TSPAN12: variants seen among roughly 807,000 people sequenced by gnomAD.
TSPAN12 encodes tetraspanin 12.
A neutral mutation model predicts 39.2 loss-of-function variants in TSPAN12; 19 were observed. That is an observed-to-expected ratio of 0.49 (90% CI 0.34 to 0.71). The LOEUF (loss-of-function observed/expected upper bound fraction) is 0.71, where lower values mean the gene tolerates loss of function less well. Ranked by LOEUF, TSPAN12 falls within the 30% of genes least tolerant of loss-of-function variation. The probability of loss-of-function intolerance (pLI) is 0.01; values close to 1 mark genes in which losing one functional copy is unlikely to be tolerated. For synonymous variants in TSPAN12, 119 were observed against 124.8 expected (o/e 0.95, Z 0.31); for missense variants, 314 against 359.9 (o/e 0.87, Z 1.03).
chr7:120,802,157 C>T (rs548117350), intron 7 of TSPAN12, among the ~76,000 whole-genome samples: 1 of 152,286 alleles, frequency 6.6e-6, no homozygotes, highest in African/African-American at 2.4e-5. Flanking sequence ...TTGTGCTTTG[C>T]CAACTTAAAC....
At chr7:120,792,966 C>T (rs190015529) in intron 7 of TSPAN12, among the ~76,000 whole-genome samples, 6 of 152,302 alleles carry the variant, frequency 3.9e-5, no homozygotes, top group East Asian at 3.9e-4. Flanking sequence ...CTGTCCACAC[C>T]GGAACAACAC....
At chr7:120,840,141 A>G (rs780877290) in intron 2 of TSPAN12, 32 bp from the exon 3 acceptor site, 2 of 1,488,804 alleles carry the variant, frequency 1.3e-6, no homozygotes, top group Admixed American at 1.7e-5. Flanking sequence ...CCGGTTACCA[A>G]AGATTTACGT....
At position 120,838,932 on chromosome 7, in the gene TSPAN12, G is replaced by C; in HGVS notation, c.150-20C>G. ...TCTACCCTGAAAGAAGAAAAATAAT[G>C]TATTAGAAAGAAAATATAATCAAAA... On this transcript the variant is annotated intron_variant, in intron 3 of 7. Coordinates refer to ENST00000222747, the MANE Select transcript of TSPAN12 (RefSeq NM_012338.4). The C allele has an allele frequency of 6.2e-7, 1 of 1,612,682 alleles. No homozygotes were observed. Among genetic ancestry groups the C allele is most frequent in the East Asian group, 2.2e-5 (1 of 44,800 alleles).
rs112396286 is a variant in TSPAN12 at position 120,856,676 on chromosome 7, T to G, written c.66+22A>C. Reference sequence around the variant, plus strand: ...ACCAGAGCCAGCCGTTCCCACCTGTTGGTGCAGTGAAACTTACTTACCCAA... The same window carrying G: ...ACCAGAGCCAGCCGTTCCCACCTGTGGGTGCAGTGAAACTTACTTACCCAA... On this transcript the variant is annotated intron_variant, in intron 2 of 7. Transcript: ENST00000222747. 5.0e-5 allele frequency: 80 copies of G among 1,613,940 alleles called. 1 individual carries two copies. The African/African-American group carries it at 6.7e-4, about 13-fold the overall frequency.
rs745726191 is a variant in TSPAN12 at position 120,840,035 on chromosome 7, T to C, written c.141A>G (p.Ala47=). The C allele has an allele frequency of 1.9e-6, 3 of 1,611,836 alleles. No individual in the cohort carries two copies. Among genetic ancestry groups the C allele is most frequent in the Non-Finnish European group, 2.5e-6 (3 of 1,177,990 alleles). ...DYLNNVLTLT[A]ETRVEEAVIL... The stretch of plus-strand genomic sequence containing the variant: ...ATAATTATAAAGTATACCTCGTTTC[T>C]GCAGTTAAAGTGAGAACATTATTTA... The change falls in exon 3 of 8, where the codon GCA becomes GCG. Residue 47 remains alanine (A), a synonymous_variant. Transcript: ENST00000222747.
At chr7:120,801,886 T>C (rs1423949975) in intron 7 of TSPAN12, among the ~76,000 whole-genome samples, 1 of 152,196 alleles carries the variant, frequency 6.6e-6, no homozygotes, top group Non-Finnish European at 1.5e-5. Context: ...ATGGCTCTTA[T>C]TTCCTGGAAA....
At chr7:120,809,576 G>A (rs564722833) in intron 6 of TSPAN12, among the ~76,000 whole-genome samples, 65 of 152,228 alleles carry the variant, frequency 4.3e-4, no homozygotes, top group Non-Finnish European at 6.9e-4. Context: ...TATCTATCAC[G>A]TAAGACACTA....
At chr7:120,816,359 C>A (rs553847215) in intron 4 of TSPAN12, among the ~76,000 whole-genome samples, 2 of 96,642 alleles carry the variant, frequency 2.1e-5, no homozygotes, top group African/African-American at 2.8e-5. Context: ...ATAAGGCATG[C>A]GCAGGCAAAA....
chr7:120,815,645 G>C, intron 5 of TSPAN12, 84 bp downstream of exon 5: 19 of 1,197,464 alleles, frequency 1.6e-5, no homozygotes, highest in Non-Finnish European at 2.3e-5. Context: ...TTTCATAGCG[G>C]AGTGAAAATG....
chr7:120,845,447 CTAAATA>C lies in TSPAN12; in HGVS notation c.67-5344_67-5339del, dbSNP rs550464319. ...TAAACTTTTATGATCTGCTTTCCTT[CTAAATA>C]TAAGTTCCAGTTTTAGAACATCTCT... On this transcript the variant is annotated intron_variant, in intron 2 of 7. Coordinates refer to ENST00000222747, the MANE Select transcript of TSPAN12 (RefSeq NM_012338.4). Among the ~76,000 whole-genome samples, 217 of 152,318 alleles carry C rather than the reference CTAAATA, an allele frequency of 1.4e-3. 1 individual carries two copies. The highest frequency in any genetic ancestry group is 5.0e-3 in the African/African-American group (208 of 41,590).
chr7:120,803,971 G>T (rs976773058), intron 7 of TSPAN12, among the ~76,000 whole-genome samples: 17 of 152,102 alleles, frequency 1.1e-4, no homozygotes, highest in African/African-American at 4.1e-4. Flanking sequence ...AAGCAAAACT[G>T]AAGAGAATTA....
At chr7:120,825,999 G>C (rs1422634912) in intron 4 of TSPAN12, among the ~76,000 whole-genome samples, 2 of 152,150 alleles carry the variant, frequency 1.3e-5, no homozygotes, top group African/African-American at 4.8e-5. Context: ...TCTTGTCTTA[G>C]AGACCGTCCC....
chr7:120,851,608 A>G (rs1794770115), intron 2 of TSPAN12, among the ~76,000 whole-genome samples: 2 of 152,214 alleles, frequency 1.3e-5, no homozygotes, highest in Non-Finnish European at 2.9e-5. Flanking sequence ...CAAATGACCA[A>G]AAAGCTACAG....
At chr7:120,848,613 T>A (rs531347673) in intron 2 of TSPAN12, among the ~76,000 whole-genome samples, 7 of 152,336 alleles carry the variant, frequency 4.6e-5, no homozygotes, top group African/African-American at 1.7e-4. Context: ...AACTAAAACT[T>A]TGCACTATAC....
chr7:120,833,637 C>T (rs1794427605), intron 4 of TSPAN12, among the ~76,000 whole-genome samples: 2 of 152,118 alleles, frequency 1.3e-5, no homozygotes, highest in South Asian at 2.1e-4. Flanking sequence ...ACGTAAGGTA[C>T]ATCCAACTTA....
At chr7:120,855,829 A>G (rs914339364) in intron 2 of TSPAN12, among the ~76,000 whole-genome samples, 1 of 152,232 alleles carries the variant, frequency 6.6e-6, no homozygotes, top group South Asian at 2.1e-4. Flanking sequence ...AGCCACATAA[A>G]TAAATTGCAC....
intron 4 of TSPAN12, among the ~76,000 whole-genome samples, chr7:120,827,998 A>G (rs1234460015): frequency 2.0e-5 from 3 of 152,176 alleles, no homozygotes; most frequent in African/African-American, 7.2e-5. Context: ...TTTTAGTATC[A>G]AATCTGAACT....
chr7:120,825,629 C>T (rs1014525004), intron 4 of TSPAN12, among the ~76,000 whole-genome samples: 16 of 152,112 alleles, frequency 1.1e-4, no homozygotes, highest in Non-Finnish European at 1.9e-4. Context: ...ATCTTTATGG[C>T]AGTTGTTTAT....
At chr7:120,844,947 C>T (rs1217466720) in intron 2 of TSPAN12, among the ~76,000 whole-genome samples, 1 of 152,212 alleles carries the variant, frequency 6.6e-6, no homozygotes, top group African/African-American at 2.4e-5. Context: ...TCTGTCCCTG[C>T]AGCAGACTTT....
Sources: gnomAD v4.1 joint callset for allele counts (sites outside exome capture counted in the v4.1 genomes callset) on GRCh38, gnomAD v4.1.1 for gene constraint, MANE v1.5 for transcripts, NCBI Gene and HGNC (gene_info 2026-07-23, HGNC 2026-07-21) for gene names.